The following MACROD2 variants were observed in gnomAD, a reference collection of about 807,000 sequenced individuals.
MACROD2 encodes the protein mono-ADP ribosylhydrolase 2.
MACROD2 carries 36 observed loss-of-function variants against 70.4 expected under a neutral mutation model. The observed-to-expected ratio is 0.51, with a 90% CI of 0.39 to 0.68. The LOEUF is 0.68. Ranked by LOEUF, MACROD2 falls within the 30% of genes least tolerant of loss-of-function variation. The pLI is 0.00. For missense variants in MACROD2, 496 were observed against 538.4 expected, an observed-to-expected ratio of 0.92 and a Z score of 0.78; for synonymous variants, 172 against 178.8, an observed-to-expected ratio of 0.96 and a Z score of 0.30.
intron 5 of MACROD2, among the ~76,000 whole-genome samples, chr20:14,940,564 G>A (rs374085316): frequency 6.6e-6 from 1 of 152,202 alleles, no homozygotes; most frequent in African/African-American, 2.4e-5. Flanking sequence ...TTATTTTGAG[G>A]TATGTTCCTT....
chr20:14,168,063 G>C (rs1419019823), intron 3 of MACROD2, among the ~76,000 whole-genome samples: 1 of 152,096 alleles, frequency 6.6e-6, no homozygotes, highest in East Asian at 1.9e-4. Context: ...CTCCTTCAGA[G>C]AGGACATTAA....
intron 5 of MACROD2, among the ~76,000 whole-genome samples, chr20:15,099,652 TA>T (rs1265460426): frequency 6.6e-6 from 1 of 152,074 alleles, no homozygotes; most frequent in Non-Finnish European, 1.5e-5. Flanking sequence ...AACAAACACC[TA>T]AAAATATGGA....
At chr20:15,049,847 C>T (rs1468858323) in intron 5 of MACROD2, among the ~76,000 whole-genome samples, 1 of 151,304 alleles carries the variant, frequency 6.6e-6, no homozygotes, top group African/African-American at 2.4e-5. Context: ...GCTCGGGAGG[C>T]AGAGGCAGGA....
chr20:15,454,578 A>G (rs1442812073), intron 7 of MACROD2, among the ~76,000 whole-genome samples: 2 of 152,038 alleles, frequency 1.3e-5, no homozygotes. Context: ...TCACACATAT[A>G]TTTATCAAAT....
intron 4 of MACROD2, among the ~76,000 whole-genome samples, chr20:14,668,730 A>C (rs552845131): frequency 6.6e-6 from 1 of 152,290 alleles, no homozygotes; most frequent in East Asian, 1.9e-4. Flanking sequence ...TATAGATTAA[A>C]ATTTTTTAAT....
chr20:15,624,671 G>T (rs1176373511), intron 8 of MACROD2, among the ~76,000 whole-genome samples: 3 of 152,108 alleles, frequency 2.0e-5, no homozygotes, highest in Non-Finnish European at 2.9e-5. Context: ...ACAAATAGTG[G>T]CAAACAATGA....
intron 5 of MACROD2, chr20:14,758,133 C>T: frequency 3.0e-6 from 1 of 335,256 alleles, no homozygotes; most frequent in South Asian, 4.3e-5. Flanking sequence ...AAATCTAAAC[C>T]CTCACTGATT....
intron 4 of MACROD2, among the ~76,000 whole-genome samples, chr20:14,650,271 A>T (rs111650626): frequency 2.6e-5 from 4 of 152,228 alleles, no homozygotes; most frequent in African/African-American, 9.6e-5. Context: ...GACAGCTTAA[A>T]CACCTTGCCA....
At chr20:14,346,399 C>A (rs770414520) in intron 3 of MACROD2, among the ~76,000 whole-genome samples, 3 of 152,032 alleles carry the variant, frequency 2.0e-5, no homozygotes, top group Non-Finnish European at 4.4e-5. Context: ...GGCTTCTTTG[C>A]TCCTACATTA....
Position 15,669,244 on chromosome 20 carries a change from G to A in MACROD2, c.645+169397G>A, listed in dbSNP as rs564726584. 3.3e-5 allele frequency among the ~76,000 whole-genome samples: 5 copies of A among 152,306 alleles called. No individual in the cohort carries two copies. In the South Asian group the frequency reaches 1.0e-3, roughly 32 times the overall value. On this transcript the variant is annotated intron_variant, in intron 8 of 17. Coordinates refer to ENST00000684519, the MANE Select transcript of MACROD2 (RefSeq NM_001351661.2). ...TTACCACTGATTTGTTGACAACATT[G>A]TTTGCTGCATTATAATTTTATAGGA...
chr20:15,945,957 G>A lies in MACROD2; in HGVS notation c.907+8413G>A, dbSNP rs73597720. ...GTGTCATGGGAACCCTGCAACCTGTGCAAGGTGAGCAGGGATTGGAACCAC... is the reference window on the plus strand; with the variant it reads ...GTGTCATGGGAACCCTGCAACCTGTACAAGGTGAGCAGGGATTGGAACCAC... On this transcript the variant is annotated intron_variant, in intron 12 of 17. Transcript: ENST00000684519. Among the ~76,000 whole-genome samples the A allele has an allele frequency of 4.9e-3, 746 of 152,252 alleles. 6 individuals are homozygous for A. The highest frequency in any genetic ancestry group is 0.013 in the African/African-American group (529 of 41,560).
chr20:15,000,517 G>A (rs1288087975), intron 5 of MACROD2, among the ~76,000 whole-genome samples: 1 of 144,170 alleles, frequency 6.9e-6, no homozygotes, highest in Non-Finnish European at 1.5e-5. Flanking sequence ...CAGCTACTGG[G>A]GAGGCTGAGG....
At chr20:15,821,515 A>G (rs538336702) in intron 8 of MACROD2, among the ~76,000 whole-genome samples, 2 of 152,290 alleles carry the variant, frequency 1.3e-5, no homozygotes, top group East Asian at 1.9e-4. Context: ...GGAAATGCTA[A>G]CTTTTAGTTT....
At chr20:15,658,038 G>A (rs1348094844) in intron 8 of MACROD2, among the ~76,000 whole-genome samples, 1 of 152,082 alleles carries the variant, frequency 6.6e-6, no homozygotes, top group Non-Finnish European at 1.5e-5. Context: ...AGATAGTCAA[G>A]AGCAATCAGA....
At chr20:14,725,006 A>T (rs1037053902) in intron 5 of MACROD2, among the ~76,000 whole-genome samples, 2 of 152,132 alleles carry the variant, frequency 1.3e-5, no homozygotes, top group African/African-American at 4.8e-5. Flanking sequence ...ACTTCTGGAG[A>T]TGGAGACAAA....
intron 6 of MACROD2, among the ~76,000 whole-genome samples, chr20:15,343,107 G>C (rs1464138774): frequency 1.3e-5 from 2 of 152,152 alleles, no homozygotes; most frequent in African/African-American, 4.8e-5. Context: ...AAAGCAAAAG[G>C]CATGTTGTCA....
intron 5 of MACROD2, among the ~76,000 whole-genome samples, chr20:14,782,565 T>C (rs1034904643): frequency 1.3e-5 from 2 of 152,056 alleles, no homozygotes; most frequent in African/African-American, 4.8e-5. Flanking sequence ...TACCATTGAA[T>C]TGGACACCCA....
intron 3 of MACROD2, among the ~76,000 whole-genome samples, chr20:14,461,765 T>C (rs2084375568): frequency 6.6e-6 from 1 of 151,866 alleles, no homozygotes; most frequent in African/African-American, 2.4e-5. Flanking sequence ...GTCTGGTTTT[T>C]TGTCCTTGTG....
intron 8 of MACROD2, among the ~76,000 whole-genome samples, chr20:15,808,024 C>T (rs539448843): frequency 6.4e-4 from 98 of 152,292 alleles, no homozygotes; most frequent in Non-Finnish European, 1.3e-3. Flanking sequence ...CTGTTCTGTT[C>T]TAATTACCGG....
Sources: allele counts gnomAD v4.1 joint callset (sites outside exome capture counted in the v4.1 genomes callset), GRCh38; gene constraint gnomAD v4.1.1; transcripts MANE v1.5; gene names NCBI Gene and HGNC (gene_info 2026-07-23, HGNC 2026-07-21).